The following SOX5 variants were observed in gnomAD, a reference collection of about 807,000 sequenced individuals.
SOX5 encodes transcription factor SOX-5.
Under a neutral mutation model 92.0 loss-of-function variants are expected in SOX5, and 9 were observed. That is an observed-to-expected ratio of 0.10 (90% CI 0.06 to 0.17). The LOEUF is 0.17. Among genes scored for constraint, SOX5 ranks in the 10% least tolerant of loss-of-function variants. The pLI is 1.00. For synonymous variants in SOX5, 344 were observed against 336.3 expected (o/e 1.02, Z -0.25); for missense variants, 642 against 944.5 (o/e 0.68, Z 4.20).
chr12:24,266,733 A>G (rs1349951390), intron 3 of SOX5, among the ~76,000 whole-genome samples: 1 of 152,240 alleles, frequency 6.6e-6, no homozygotes, highest in Non-Finnish European at 1.5e-5. Flanking sequence ...ACCAGTTTTA[A>G]CAAAAATGGC....
rs145765468 is a variant in SOX5 at position 23,947,527 on chromosome 12, G to T, written c.38+2037C>A. 3.7e-3 allele frequency among the ~76,000 whole-genome samples: 561 copies of T among 151,930 alleles called. 3 individuals are homozygous for T. The highest frequency in any genetic ancestry group is 0.013 in the African/African-American group (553 of 41,498). On this transcript the variant is annotated intron_variant, in intron 1 of 14. Transcript: ENST00000451604. ...ATAGTAATGATTTGCTGAGATCTTT[G>T]TATGTATTACCAATTACAACCACAG...
chr12:24,199,002 G>A (rs1443838222), intron 4 of SOX5, among the ~76,000 whole-genome samples: 2 of 152,190 alleles, frequency 1.3e-5, no homozygotes, highest in Admixed American at 6.5e-5. Context: ...GAGTACAGAC[G>A]TGGCTGCACA....
intron 3 of SOX5, among the ~76,000 whole-genome samples, chr12:23,783,758 T>C (rs1166274805): frequency 6.6e-6 from 1 of 152,200 alleles, no homozygotes; most frequent in African/African-American, 2.4e-5. Context: ...ACAGATATTT[T>C]GATAATGTTT....
chr12:23,838,389 TGTC>T (rs1301852735), intron 3 of SOX5, among the ~76,000 whole-genome samples: 1 of 151,802 alleles, frequency 6.6e-6, no homozygotes, highest in East Asian at 1.9e-4. Flanking sequence ...TAAACGTTCT[TGTC>T]ATAGCAAATT....
chr12:23,845,451 A>G (rs1184060362), intron 3 of SOX5, among the ~76,000 whole-genome samples: 1 of 152,196 alleles, frequency 6.6e-6, no homozygotes, highest in Non-Finnish European at 1.5e-5. Flanking sequence ...TAGAGGATAA[A>G]ATCTTAAAAG....
chr12:24,426,429 G>A (rs570600347), intron 1 of SOX5, among the ~76,000 whole-genome samples: 2 of 152,300 alleles, frequency 1.3e-5, no homozygotes, highest in Admixed American at 6.5e-5. Context: ...AAACCTGCAC[G>A]TTGTGCACAT....
intron 6 of SOX5, among the ~76,000 whole-genome samples, chr12:23,692,621 C>T (rs1361310353): frequency 6.6e-6 from 1 of 152,030 alleles, no homozygotes; most frequent in Non-Finnish European, 1.5e-5. Context: ...AAGAATATTT[C>T]GTTTCTAAAT....
At chr12:23,934,867 A>C (rs1236556071) in intron 1 of SOX5, among the ~76,000 whole-genome samples, 1 of 151,320 alleles carries the variant, frequency 6.6e-6, no homozygotes, top group Non-Finnish European at 1.5e-5. Flanking sequence ...TGTAAATCGC[A>C]AAGATCACAG....
At chr12:24,387,221 G>A (rs1024078015) in intron 1 of SOX5, among the ~76,000 whole-genome samples, 7 of 152,178 alleles carry the variant, frequency 4.6e-5, no homozygotes, top group African/African-American at 7.2e-5. Context: ...ATGGTCATTT[G>A]AGTAACTTTC....
chr12:24,286,589 G>C (rs909074856), intron 2 of SOX5, among the ~76,000 whole-genome samples: 25 of 152,238 alleles, frequency 1.6e-4, no homozygotes, highest in African/African-American at 5.8e-4. Flanking sequence ...CCAGGCTGGA[G>C]TGCAATGATA....
chr12:24,296,930 G>GAC (rs34848004), intron 2 of SOX5, among the ~76,000 whole-genome samples: 10,579 of 148,124 alleles, frequency 0.071, 377 homozygotes, highest in Middle Eastern at 0.12. Context: ...TAGACAGACA[G>GAC]ACACACACAC....
intron 2 of SOX5, among the ~76,000 whole-genome samples, chr12:24,284,303 G>A (rs752501532): frequency 2.6e-5 from 4 of 152,044 alleles, no homozygotes; most frequent in Non-Finnish European, 4.4e-5. Context: ...CTAATCCCTG[G>A]TGTAGGCTGA....
At position 23,992,189 on chromosome 12, in the gene SOX5, AC is replaced by A. The variant is rs536580440; in HGVS notation, c.-1-96166del. Among the ~76,000 whole-genome samples the A allele has an allele frequency of 8.3e-3, 1,257 of 152,188 alleles. 22 individuals are homozygous for A. The highest frequency in any genetic ancestry group is 0.029 in the African/African-American group (1,197 of 41,552). On this transcript the variant is annotated intron_variant, in intron 4 of 4. Coordinates refer to the SOX5 transcript ENST00000446891. ...TGTTTTGAGGAGCTTTGGTCTGGCAACACCCTTAAAGGAAGTTGGTCTGGCA... is the reference window on the plus strand; with the variant it reads ...TGTTTTGAGGAGCTTTGGTCTGGCAAACCCTTAAAGGAAGTTGGTCTGGCA...
intron 6 of SOX5, among the ~76,000 whole-genome samples, chr12:23,705,951 A>G (rs192671313): frequency 1.3e-5 from 2 of 152,060 alleles, no homozygotes; most frequent in East Asian, 3.9e-4. Flanking sequence ...GAGCTCCTAG[A>G]GAGGGAACAT....
At chr12:23,823,761 G>A (rs890909197) in intron 3 of SOX5, among the ~76,000 whole-genome samples, 13 of 152,282 alleles carry the variant, frequency 8.5e-5, no homozygotes, top group African/African-American at 2.6e-4. Flanking sequence ...CCAATCAAAC[G>A]TAGGTTTGGT....
intron 2 of SOX5, among the ~76,000 whole-genome samples, chr12:24,287,633 TCTTC>T (rs1946060190): frequency 7.4e-6 from 1 of 134,820 alleles, no homozygotes; most frequent in Non-Finnish European, 1.6e-5. Flanking sequence ...GCCCCAGGGT[TCTTC>T]TAGTTATTTT....
chr12:24,118,018 CA>C lies in SOX5; in HGVS notation c.-2+95324del, dbSNP rs964710930. ...TGGGGAACAGAGCGAGACTCTCATT[CA>C]AAAAAAAAAAAAAAAAAAAGAAAAA... is the stretch of plus-strand genomic sequence containing the variant. On this transcript the variant is annotated intron_variant, in intron 4 of 4. Transcript: ENST00000446891. 2.9e-3 allele frequency among the ~76,000 whole-genome samples: 123 copies of C among 41,820 alleles called. 1 individual carries two copies. The highest frequency in any genetic ancestry group is 4.4e-3 in the African/African-American group (55 of 12,464). The allele number at this position is 41,820 out of a possible 152,430, so 27.4% of individuals were successfully genotyped here.
At chr12:23,643,740 A>G (rs2080440889) in intron 7 of SOX5, among the ~76,000 whole-genome samples, 1 of 152,188 alleles carries the variant, frequency 6.6e-6, no homozygotes, top group African/African-American at 2.4e-5. Context: ...AATGATGTGG[A>G]GGTCACTGGC....
chr12:24,455,351 A>C (rs1337145882), intron 1 of SOX5, among the ~76,000 whole-genome samples: 4 of 152,192 alleles, frequency 2.6e-5, no homozygotes, highest in African/African-American at 9.7e-5. Context: ...GGCTTGTATA[A>C]CTATTATTTT....
Sources: gnomAD v4.1 joint callset for allele counts (sites outside exome capture counted in the v4.1 genomes callset) on GRCh38, gnomAD v4.1.1 for gene constraint, MANE v1.5 for transcripts, NCBI Gene and HGNC (gene_info 2026-07-23, HGNC 2026-07-21) for gene names.